PTPRA: variants seen among roughly 807,000 people sequenced by gnomAD.
PTPRA encodes the protein receptor-type tyrosine-protein phosphatase alpha.
In PTPRA, 25 loss-of-function variants were observed where a neutral mutation model predicts 104.8. The ratio of observed to expected loss-of-function variants is 0.24; its 90% CI spans 0.17 to 0.33. PTPRA has a LOEUF of 0.33. Ranked by LOEUF, PTPRA falls within the 10% of genes least tolerant of loss-of-function variation. The pLI, the probability that PTPRA is intolerant of heterozygous loss-of-function variation, is 1.00. For missense variants in PTPRA, 765 were observed against 1,015.3 expected, an observed-to-expected ratio of 0.75 and a Z score of 3.35; for synonymous variants, 323 against 368.9, an observed-to-expected ratio of 0.88 and a Z score of 1.43.
At chr20:2,904,103 A>G (rs1428898266) in intron 1 of PTPRA, among the ~76,000 whole-genome samples, 1 of 151,742 alleles carries the variant, frequency 6.6e-6, no homozygotes, top group Non-Finnish European at 1.5e-5. Flanking sequence ...GTGTGTGGAG[A>G]TAGGGTCTTT....
intron 13 of PTPRA, among the ~76,000 whole-genome samples, chr20:3,020,744 G>A (rs184117588): frequency 1.6e-4 from 24 of 152,294 alleles, no homozygotes; most frequent in Non-Finnish European, 3.1e-4. Flanking sequence ...CTAGGGTATC[G>A]GGTGTCATGA....
In PTPRA at chr20:2,883,423, C is replaced by T. The variant is rs1446994962; in HGVS notation, c.-129+9663C>T. On this transcript the variant is annotated intron_variant, in intron 1 of 23. Transcript: ENST00000399903. Reference sequence around the variant, plus strand: ...ATCCCAGCACTTTGGGAGGCCGAGGCGGGCGGATCACGAGGTCAGGAGATC... The same window carrying T: ...ATCCCAGCACTTTGGGAGGCCGAGGTGGGCGGATCACGAGGTCAGGAGATC... 4.3e-4 allele frequency among the ~76,000 whole-genome samples: 35 copies of T among 81,404 alleles called. 11 individuals carry two copies. The highest frequency in any genetic ancestry group is 2.9e-4 in the Non-Finnish European group (14 of 48,618). The allele number at this position is 81,404 out of a possible 152,430, so 53.4% of individuals were successfully genotyped here.
At chr20:2,893,544 G>A (rs2058879448) in intron 1 of PTPRA, among the ~76,000 whole-genome samples, 1 of 152,016 alleles carries the variant, frequency 6.6e-6, no homozygotes, top group African/African-American at 2.4e-5. Context: ...TGTATATATG[G>A]TATATCATAT....
intron 2 of PTPRA, among the ~76,000 whole-genome samples, chr20:2,928,671 T>C (rs2060396293): frequency 1.3e-5 from 2 of 152,146 alleles, no homozygotes; most frequent in Non-Finnish European, 2.9e-5. Flanking sequence ...CTCATAGCTC[T>C]CCATTTTTTG....
At chr20:2,875,100 C>T (rs1018394562) in intron 1 of PTPRA, among the ~76,000 whole-genome samples, 2 of 152,132 alleles carry the variant, frequency 1.3e-5, no homozygotes, top group African/African-American at 4.8e-5. Flanking sequence ...AGATTCTTTC[C>T]AATCTCTTCT....
intron 10 of PTPRA, 95 bp downstream of exon 10, chr20:3,005,241 A>G: frequency 8.1e-7 from 1 of 1,231,928 alleles, no homozygotes; most frequent in South Asian, 1.3e-5. Flanking sequence ...TGGGCACAGC[A>G]GGGTGAATAA....
Position 2,906,584 on chromosome 20 carries a change from T to TA in PTPRA, c.-128-16621dup, listed in dbSNP as rs2059435346. Among the ~76,000 whole-genome samples the TA allele has an allele frequency of 2.6e-5, 4 of 152,220 alleles. No homozygotes were observed. The South Asian group carries it at 8.3e-4, about 31-fold the overall frequency. On this transcript the variant is annotated intron_variant, in intron 1 of 23. Transcript: ENST00000399903. ...ACAATTTATTGAAATACAGGTATAC[T>TA]AATGAGAAGAATGGAGTTCTTTTCG...
upstream of PTPRA, among the ~76,000 whole-genome samples, chr20:2,870,149 G>A (rs552769639): frequency 2.6e-5 from 4 of 151,128 alleles, no homozygotes; most frequent in East Asian, 4.0e-4. Flanking sequence ...CAGGCAGATC[G>A]CCTGAGGTCA....
intron 1 of PTPRA, among the ~76,000 whole-genome samples, chr20:2,910,385 A>G (rs2059650635): frequency 1.3e-5 from 1 of 79,384 alleles, no homozygotes; most frequent in Non-Finnish European, 2.3e-5. Context: ...TGTATATTAT[A>G]TATTTTATAT....
upstream of PTPRA, among the ~76,000 whole-genome samples, chr20:2,868,482 G>C (rs945797802): frequency 1.3e-5 from 2 of 151,448 alleles, no homozygotes; most frequent in African/African-American, 2.4e-5. Context: ...CCTCCTGATA[G>C]GGAGTAGCAA....
chr20:2,910,194 GAT>G (rs911735931), intron 1 of PTPRA, among the ~76,000 whole-genome samples: 7 of 86,810 alleles, frequency 8.1e-5, no homozygotes, highest in African/African-American at 2.7e-4. Flanking sequence ...TATGATATAT[GAT>G]ATATATACTA....
chr20:3,032,681 G>A (rs1343040733), intron 20 of PTPRA, among the ~76,000 whole-genome samples: 3 of 151,050 alleles, frequency 2.0e-5, no homozygotes, highest in Non-Finnish European at 4.4e-5. Flanking sequence ...CAGGAGAATC[G>A]TTTGAACCAG....
At chr20:2,931,289 C>A (rs2060494096) in intron 2 of PTPRA, among the ~76,000 whole-genome samples, 1 of 152,014 alleles carries the variant, frequency 6.6e-6, no homozygotes, top group Non-Finnish European at 1.5e-5. Flanking sequence ...CCAGAGAGAA[C>A]CTGGGAAAAG....
intron 9 of PTPRA, among the ~76,000 whole-genome samples, chr20:2,999,246 G>C (rs1234836921): frequency 6.6e-6 from 1 of 152,120 alleles, no homozygotes; most frequent in Non-Finnish European, 1.5e-5. Flanking sequence ...TAGGATCAAT[G>C]GATTAGGAGG....
intron 2 of PTPRA, among the ~76,000 whole-genome samples, chr20:2,927,336 A>G (rs1309733694): frequency 6.6e-6 from 1 of 152,254 alleles, no homozygotes; most frequent in Non-Finnish European, 1.5e-5. Flanking sequence ...GAAAATGAAG[A>G]AAAAGTGAAT....
chr20:3,003,348 T>C (rs998903893), intron 9 of PTPRA, among the ~76,000 whole-genome samples: 94 of 152,190 alleles, frequency 6.2e-4, no homozygotes, highest in Non-Finnish European at 1.3e-4. Context: ...TTGTTCTCAG[T>C]TTTGGGTCAT....
chr20:2,994,237 C>T (rs188991720), intron 9 of PTPRA, among the ~76,000 whole-genome samples: 29 of 152,274 alleles, frequency 1.9e-4, no homozygotes, highest in Admixed American at 2.0e-4. Flanking sequence ...CAGGGTTCCT[C>T]CTTACAGATG....
At chr20:2,994,545 T>C (rs1483940493) in intron 9 of PTPRA, among the ~76,000 whole-genome samples, 1 of 152,196 alleles carries the variant, frequency 6.6e-6, no homozygotes, top group Non-Finnish European at 1.5e-5. Context: ...TCTGAAAGAT[T>C]CCAGTGCTTT....
intron 1 of PTPRA, among the ~76,000 whole-genome samples, chr20:2,895,366 G>A (rs2147032264): frequency 6.6e-6 from 1 of 151,780 alleles, no homozygotes; most frequent in Non-Finnish European, 1.5e-5. Flanking sequence ...TTACAGGTGT[G>A]AGCCACCACA....
Sources: allele counts gnomAD v4.1 joint callset (sites outside exome capture counted in the v4.1 genomes callset), GRCh38; gene constraint gnomAD v4.1.1; transcripts MANE v1.5; gene names NCBI Gene and HGNC (gene_info 2026-07-23, HGNC 2026-07-21).